Variants in DNAH9 observed in about 807,000 individuals in gnomAD.
DNAH9 encodes the protein DNAH9 variant protein.
In DNAH9, 345 loss-of-function variants were observed where a neutral mutation model predicts 471.6. That is an observed-to-expected ratio of 0.73 (90% confidence interval 0.67 to 0.80). DNAH9 has a LOEUF of 0.80. Among genes scored for constraint, DNAH9 ranks in the 30% least tolerant of loss-of-function variants. The pLI, the probability that DNAH9 is intolerant of heterozygous loss-of-function variation, is 0.00. For synonymous variants in DNAH9, 2,093 were observed against 2,123.6 expected, an observed-to-expected ratio of 0.99 and a Z score of 0.40; for missense variants, 5,407 against 5,609.2, an observed-to-expected ratio of 0.96 and a Z score of 1.15.
Position 11,669,600 on chromosome 17 carries a change from C to A in DNAH9, c.3159C>A (p.Pro1053=). Reference sequence around the variant, plus strand: ...AAGATGGCATCCCAGAGAACCCTCCCCTCCTTTCTCAGTTTAAAGTGCAAA... The same window carrying A: ...AAGATGGCATCCCAGAGAACCCTCCACTCCTTTCTCAGTTTAAAGTGCAAA... ...HVEDGIPENP[P]LLSQFKVQID... is the part of the protein sequence containing the mutation. Residue 1053 remains proline, a synonymous_variant, in exon 17 of 69, where the codon CCC becomes CCA. Transcript: ENST00000262442. The A allele has an allele frequency of 6.2e-7, 1 of 1,614,132 alleles. No homozygotes were observed. The highest frequency in any genetic ancestry group is 8.5e-7 in the Non-Finnish European group (1 of 1,180,018).
In DNAH9 at chr17:11,598,613, G is replaced by A; in HGVS notation, c.115G>A (p.Ala39Thr). 2 of 1,343,778 alleles carry A rather than the reference G, an allele frequency of 1.5e-6. No individual in the cohort carries two copies. The highest frequency in any genetic ancestry group is 1.9e-6 in the Non-Finnish European group (2 of 1,052,092). The allele number at this position is 1,343,778 out of a possible 1,614,324, so 83.2% of individuals were successfully genotyped here. ...GTYVAMSLRP[A>T]AGAWERCAGS... is the part of the protein sequence containing the mutation. ...CTACGTGGCCATGAGCCTGCGGCCG[G>A]CTGCGGGCGCCTGGGAGCGTTGCGC... Residue 39 changes from alanine (A) to threonine (T), a missense_variant, in exon 1 of 69, where the codon GCT becomes ACT. Coordinates refer to ENST00000262442, the MANE Select transcript of DNAH9 (RefSeq NM_001372.4).
chr17:11,636,405 G>C (rs2073167214), intron 8 of DNAH9, among the ~76,000 whole-genome samples: 1 of 152,158 alleles, frequency 6.6e-6, no homozygotes, highest in Non-Finnish European at 1.5e-5. Flanking sequence ...AGTAGAGCTG[G>C]GGGTGAGTAA....
At chr17:11,620,938 G>A (rs1189545969) in intron 6 of DNAH9, among the ~76,000 whole-genome samples, 1 of 152,178 alleles carries the variant, frequency 6.6e-6, no homozygotes, top group East Asian at 1.9e-4. Flanking sequence ...ACTACGGTGA[G>A]AAGACATGAT....
chr17:11,909,122 C>A (rs1973704670), intron 61 of DNAH9, among the ~76,000 whole-genome samples: 1 of 152,160 alleles, frequency 6.6e-6, no homozygotes, highest in Admixed American at 6.5e-5. Flanking sequence ...CGTTCCATAT[C>A]CACCTTCTAG....
intron 27 of DNAH9, among the ~76,000 whole-genome samples, chr17:11,725,045 A>G (rs1161942736): frequency 6.6e-6 from 1 of 152,204 alleles, no homozygotes; most frequent in Non-Finnish European, 1.5e-5. Flanking sequence ...TCATGCTCTC[A>G]TGAGAATCCA....
At chr17:11,607,671 G>A (rs2072538673) in intron 1 of DNAH9, among the ~76,000 whole-genome samples, 1 of 152,154 alleles carries the variant, frequency 6.6e-6, no homozygotes, top group African/African-American at 2.4e-5. Flanking sequence ...CTGGGTTGAA[G>A]CGATTCTCCT....
intron 28 of DNAH9, among the ~76,000 whole-genome samples, chr17:11,730,652 A>C (rs2075243104): frequency 6.6e-6 from 1 of 152,166 alleles, no homozygotes; most frequent in African/African-American, 2.4e-5. Flanking sequence ...CAGTTGTAAT[A>C]ATTTTTAAAT....
intron 49 of DNAH9, among the ~76,000 whole-genome samples, chr17:11,840,494 T>G (rs983441244): frequency 1.3e-5 from 2 of 152,224 alleles, no homozygotes; most frequent in Non-Finnish European, 2.9e-5. Context: ...TGTGTAAGAA[T>G]TTCTCTGGGC....
intron 42 of DNAH9, among the ~76,000 whole-genome samples, chr17:11,796,928 C>T (rs1969264232): frequency 6.6e-6 from 1 of 152,176 alleles, no homozygotes; most frequent in Non-Finnish European, 1.5e-5. Flanking sequence ...TTATACTATA[C>T]TATAACCAGC....
chr17:11,870,285 C>T (rs1047304471), intron 51 of DNAH9, among the ~76,000 whole-genome samples: 3 of 147,710 alleles, frequency 2.0e-5, no homozygotes, highest in Non-Finnish European at 2.9e-5. Flanking sequence ...CCTTTTAAAT[C>T]TCCTATGGCT....
chr17:11,892,063 G>C lies in DNAH9; in HGVS notation c.11283+116G>C. 3 of 1,252,482 alleles carry C rather than the reference G, an allele frequency of 2.4e-6. No homozygotes were observed. Among genetic ancestry groups the C allele is most frequent in the Non-Finnish European group, 3.4e-6 (3 of 890,958 alleles). 77.6% of individuals were successfully genotyped at this position (1,252,482 alleles called of 1,614,324 possible). ...TTTCCACAGCATGTCCAGACTATCT[G>C]TCTTTGGATAGAGGCATCAGACAAG... is the stretch of plus-strand genomic sequence containing the variant. On this transcript the variant is annotated intron_variant, in intron 58 of 68. Coordinates refer to ENST00000262442, the MANE Select transcript of DNAH9 (RefSeq NM_001372.4). The surrounding 1 kb of genome is among the most constrained non-coding windows in gnomAD (Gnocchi z 4.3).
intron 59 of DNAH9, among the ~76,000 whole-genome samples, chr17:11,896,953 G>A (rs921893524): frequency 6.6e-6 from 1 of 152,164 alleles, no homozygotes; most frequent in African/African-American, 2.4e-5. Context: ...AGCCGGGTGT[G>A]GTGGCACACA....
Position 11,632,682 on chromosome 17 carries a change from T to C in DNAH9, c.1614T>C (p.Pro538=). Residue 538 remains proline (P), a synonymous_variant, in exon 8 of 69, where the codon CCT becomes CCC. Coordinates refer to ENST00000262442, the MANE Select transcript of DNAH9 (RefSeq NM_001372.4). Reference sequence around the variant, plus strand: ...TTATTCAAGCTTTTGATGATGCACCTGGCTTGGAGCATGCCTTTAAGGTTT... The same window carrying C: ...TTATTCAAGCTTTTGATGATGCACCCGGCTTGGAGCATGCCTTTAAGGTTT... ...TIFIQAFDDA[P]GLEHAFKLLD... is the part of the protein sequence containing the mutation. 6.3e-7 allele frequency: 1 copy of C among 1,594,192 alleles called. No homozygotes were observed. The highest frequency in any genetic ancestry group is 8.6e-7 in the Non-Finnish European group (1 of 1,161,758).
At chr17:11,897,557 A>G (rs1973258662) in intron 59 of DNAH9, among the ~76,000 whole-genome samples, 1 of 152,202 alleles carries the variant, frequency 6.6e-6, no homozygotes, top group South Asian at 2.1e-4. Context: ...ACGGAAAATA[A>G]GTTTGTTCTG....
At chr17:11,886,578 T>G (rs891796241) in intron 56 of DNAH9, among the ~76,000 whole-genome samples, 4 of 150,898 alleles carry the variant, frequency 2.7e-5, no homozygotes, top group African/African-American at 9.8e-5. Flanking sequence ...CTTTCATGGC[T>G]CACGCTTCCC....
intron 27 of DNAH9, among the ~76,000 whole-genome samples, chr17:11,722,826 T>C (rs908695170): frequency 7.9e-5 from 12 of 152,184 alleles, no homozygotes; most frequent in African/African-American, 2.9e-4. Flanking sequence ...TCCTTTATAT[T>C]ATAGCTGTAA....
Position 11,664,951 on chromosome 17 carries a change from A to G in DNAH9, c.2714A>G (p.Tyr905Cys), listed in dbSNP as rs1239237455. ...CTTGCCATTGAGTGCTCCCTCAAGT[A>G]TCTTCTGGAAAATACTGGTACTTAC... ...FFLAIECSLKYLLENTECKAG... is the reference protein window; with the variant it reads ...FFLAIECSLKCLLENTECKAG... Residue 905 changes from tyrosine (Y) to cysteine (C), a missense_variant, in exon 15 of 69, where the codon TAT becomes TGT. Tyr to Cys is a radical substitution (Grantham distance 194). Transcript: ENST00000262442. 3 of 1,613,420 alleles carry G rather than the reference A, an allele frequency of 1.9e-6. No homozygotes were observed. The South Asian group carries it at 3.3e-5, about 18-fold the overall frequency.
chr17:11,603,383 T>C (rs2072426601), intron 1 of DNAH9, among the ~76,000 whole-genome samples: 2 of 152,212 alleles, frequency 1.3e-5, no homozygotes, highest in African/African-American at 4.8e-5. Flanking sequence ...CTTTCTTGGT[T>C]TTTTAAGAAA....
chr17:11,939,551 T>G (rs1974829074), intron 66 of DNAH9, among the ~76,000 whole-genome samples: 1 of 152,194 alleles, frequency 6.6e-6, no homozygotes, highest in African/African-American at 2.4e-5. Context: ...GTTTCTCACA[T>G]AGCTCACATG....
Sources: allele counts gnomAD v4.1 joint callset (sites outside exome capture counted in the v4.1 genomes callset), GRCh38; gene constraint gnomAD v4.1.1; non-coding constraint Gnocchi (gnomAD v3.1); transcripts MANE v1.5; gene names NCBI Gene and HGNC (gene_info 2026-07-23, HGNC 2026-07-21).